Variants in ATG16L2 observed in about 807,000 individuals in gnomAD.
ATG16L2 encodes the protein autophagy related 16 like 2.
ATG16L2 carries 77 observed loss-of-function variants against 84.7 expected under a neutral mutation model. The ratio of observed to expected loss-of-function variants is 0.91; its 90% CI spans 0.76 to 1.10. The LOEUF (loss-of-function observed/expected upper bound fraction) is 1.10. ATG16L2 is among the 50% of genes least tolerant of loss of function. The pLI, the probability that ATG16L2 is intolerant of heterozygous loss-of-function variation, is 0.00. For synonymous variants in ATG16L2, 361 were observed against 342.8 expected, an observed-to-expected ratio of 1.05 and a Z score of -0.59; for missense variants, 782 against 817.6, an observed-to-expected ratio of 0.96 and a Z score of 0.53.
rs1374566104 is a variant in ATG16L2, at chr11:72,840,704, T to C, written c.*22-1913T>C. On this transcript the variant is annotated intron_variant, in intron 5 of 5. Transcript: ENST00000534905. ...CCAGTGTAGATTAAATGTCCCGAGATGAGTTGATTTCTATGGCCTTCCTTT... is the reference window on the plus strand; with the variant it reads ...CCAGTGTAGATTAAATGTCCCGAGACGAGTTGATTTCTATGGCCTTCCTTT... Among the ~76,000 whole-genome samples, 8 of 152,314 alleles carry C rather than the reference T, an allele frequency of 5.3e-5. 1 individual carries two copies. The South Asian group carries it at 1.7e-3, about 32-fold the overall frequency.
At chr11:72,821,803 T>C (rs1311661539) in intron 4 of ATG16L2, 62 bp downstream of exon 4, 3 of 1,505,080 alleles carry the variant, frequency 2.0e-6, no homozygotes, top group South Asian at 1.2e-5. Context: ...GGGCCAACTA[T>C]ACGGGAGGCG....
chr11:72,822,951 A>G lies in ATG16L2; in HGVS notation c.814A>G (p.Arg272Gly), dbSNP rs1397132030. The G allele has an allele frequency of 6.4e-7, 1 of 1,565,338 alleles. No individual in the cohort carries two copies. Among genetic ancestry groups the G allele is most frequent in the Admixed American group, 1.9e-5 (1 of 52,410 alleles). ...GAAGGAAGCTTGTGAGAAGTGGAAGAGGCCCTTCAGGTGAGGACCCAGGTG... is the reference window on the plus strand; with the variant it reads ...GAAGGAAGCTTGTGAGAAGTGGAAGGGGCCCTTCAGGTGAGGACCCAGGTG... ...LEKEACEKWK[R>G]PFRSASATSL... Residue 272 changes from arginine (R) to glycine (G), a missense_variant, in exon 7 of 18, where the codon AGG (arginine) becomes GGG (glycine). Physicochemically the swap from Arg to Gly is moderately radical, Grantham distance 125. Transcript: ENST00000321297. This position sits in a 1 kb window ranked among gnomAD's most constrained non-coding sequence, Gnocchi z 4.2.
chr11:72,815,461 C>T (rs1859651285), intron 1 of ATG16L2, among the ~76,000 whole-genome samples: 1 of 152,174 alleles, frequency 6.6e-6, no homozygotes, highest in Non-Finnish European at 1.5e-5. Context: ...CTCAGACAGA[C>T]AGTGGAACCG....
In ATG16L2 at chr11:72,822,145, C is replaced by A. The variant is rs1439072715; in HGVS notation, c.494C>A (p.Ala165Glu). ...CGGGCGCAGAATGCGGTGCAGCGGG[C>A]AGCCTACGAGGCGCTGCGCGCGCAC... Reference protein sequence around the residue: ...EWRAQNAVQRAAYEALRAHVG... With the variant: ...EWRAQNAVQREAYEALRAHVG... Residue 165 changes from alanine to glutamate, a missense_variant, in exon 5 of 18, where the codon GCA becomes GAA. By Grantham distance (107) the Ala-to-Glu change is moderately radical. Transcript: ENST00000321297. This position sits in a 1 kb window ranked among gnomAD's most constrained non-coding sequence, Gnocchi z 4.2. 37 of 1,499,572 alleles carry A rather than the reference C, an allele frequency of 2.5e-5. No individual in the cohort carries two copies. The East Asian group carries it at 3.1e-4, about 12-fold the overall frequency. 92.9% of individuals were successfully genotyped at this position (1,499,572 alleles called of 1,614,324 possible).
intron 2 of ATG16L2, 51 bp downstream of exon 2, chr11:72,816,878 T>C (rs778168203): frequency 1.6e-6 from 2 of 1,262,618 alleles, no homozygotes; most frequent in Admixed American, 1.8e-5. Context: ...GCTGGGGCCC[T>C]GCCCCTGCTG....
At chr11:72,826,659 G>C in intron 12 of ATG16L2, 44 bp from the exon 13 acceptor site, 1 of 1,614,090 alleles carries the variant, frequency 6.2e-7, no homozygotes, top group Non-Finnish European at 8.5e-7. Context: ...CCTGTTATGG[G>C]GTCTTGGCCA....
Position 72,828,471 on chromosome 11 carries a change from A to G in ATG16L2, c.1585A>G (p.Ile529Val). ...SCSRDNTLKV[I>V]DLRVSNIRQV... The stretch of plus-strand genomic sequence containing the variant: ...TTCCCGAGACAACACACTCAAGGTC[A>G]TCGACCTGCGTGTCAGCAACATCCG... Residue 529 changes from isoleucine to valine, a missense_variant, in exon 15 of 18, where the codon ATC (isoleucine) becomes GTC (valine). Ile to Val is a conservative substitution (Grantham distance 29). Coordinates refer to ENST00000321297, the MANE Select transcript of ATG16L2 (RefSeq NM_033388.2). The G allele has an allele frequency of 1.2e-6, 2 of 1,614,226 alleles. No homozygotes were observed. Among genetic ancestry groups the G allele is most frequent in the South Asian group, 1.1e-5 (1 of 91,090 alleles).
rs1435374489 is a variant in ATG16L2, at chr11:72,823,620, C to T, written c.825-440C>T. Reference sequence around the variant, plus strand: ...TGGGGAGGGGCATGAGATGCCAGTCCCCAAAGTCCTTGGGAGCCCTTGTGG... The same window carrying T: ...TGGGGAGGGGCATGAGATGCCAGTCTCCAAAGTCCTTGGGAGCCCTTGTGG... On this transcript the variant is annotated intron_variant, in intron 7 of 17. Transcript: ENST00000321297. 1.6e-5 allele frequency: 7 copies of T among 431,126 alleles called. No homozygotes were observed. In the Admixed American group the frequency reaches 1.8e-4, roughly 11 times the overall value. 26.7% of individuals were successfully genotyped at this position (431,126 alleles called of 1,614,324 possible).
intron 3 of ATG16L2, chr11:72,821,441 C>T: frequency 7.4e-7 from 1 of 1,360,098 alleles, no homozygotes. Context: ...CGAAGCGGCA[C>T]GGCGAGGATT....
In ATG16L2 at chr11:72,827,616, C is replaced by CCTAA. The variant is rs550505494; in HGVS notation, c.1472+326_1472+329dup. On this transcript the variant is annotated intron_variant, in intron 14 of 17. Coordinates refer to ENST00000321297, the MANE Select transcript of ATG16L2 (RefSeq NM_033388.2). ...TTTAGCTGTTTTTTAAACCAAAGAC[C>CCTAA]CTAACTTTGGGCTTGAATTGTTTGT... Among the ~76,000 whole-genome samples the CCTAA allele has an allele frequency of 1.8e-3, 281 of 152,278 alleles. 2 individuals carry two copies. Among genetic ancestry groups the CCTAA allele is most frequent in the Non-Finnish European group, 2.9e-3 (200 of 68,012 alleles).
chr11:72,830,017 A>G (rs906180895), downstream of ATG16L2, among the ~76,000 whole-genome samples: 6 of 152,090 alleles, frequency 3.9e-5, no homozygotes, highest in East Asian at 1.9e-4. Flanking sequence ...TAGTGATATC[A>G]AAGTCCTTGG....
chr11:72,826,419 G>A, intron 11 of ATG16L2, 99 bp from the exon 12 acceptor site: 1 of 1,520,932 alleles, frequency 6.6e-7, no homozygotes, highest in Non-Finnish European at 9.0e-7. Context: ...TGGTGACCTG[G>A]GCCGTGGGAA....
chr11:72,827,443 C>T (rs1476140273), intron 14 of ATG16L2, 150 bp downstream of exon 14: 14 of 652,918 alleles, frequency 2.1e-5, no homozygotes, highest in Admixed American at 5.3e-5. Flanking sequence ...TAGTGCCTCT[C>T]GGCTGGGCTC....
intron 5 of ATG16L2, chr11:72,841,340 CAAAAAAAAAAAA>C (rs59748827): frequency 4.0e-5 from 15 of 373,862 alleles, no homozygotes; most frequent in Middle Eastern, 6.7e-4. Context: ...ACTCTGTCTC[CAAAAAAAAAAAA>C]AAAAAAAAAA....
chr11:72,837,303 G>T (rs1352350833), intron 5 of ATG16L2: 2 of 152,632 alleles, frequency 1.3e-5, no homozygotes, highest in East Asian at 3.9e-4. Flanking sequence ...AGTGATCAAA[G>T]AACTAAAAAT....
chr11:72,829,585 A>G lies in ATG16L2; in HGVS notation c.*195A>G. On this transcript the variant is annotated 3_prime_UTR_variant, in exon 18 of 18. Transcript: ENST00000321297. The stretch of plus-strand genomic sequence containing the variant: ...TACGCTAGTTTTTCTTTGTATTTTT[A>G]TCTCTATCTCCTCACTTTTTCTCCC... 2 of 1,192,502 alleles carry G rather than the reference A, an allele frequency of 1.7e-6. No individual in the cohort carries two copies. The highest frequency in any genetic ancestry group is 2.1e-6 in the Non-Finnish European group (2 of 932,138). The allele number at this position is 1,192,502 out of a possible 1,614,324, so 73.9% of individuals were successfully genotyped here.
chr11:72,838,738 CA>C lies in ATG16L2; in HGVS notation c.*22-3876del, dbSNP rs1860809683. 2.7e-6 allele frequency: 4 copies of C among 1,488,012 alleles called. No homozygotes were observed. In the African/African-American group the frequency reaches 5.5e-5, roughly 21 times the overall value. 92.2% of individuals were successfully genotyped at this position (1,488,012 alleles called of 1,614,324 possible). ...AAGGTGCCTAAAAAACAAGACTGGC[CA>C]AACTCCAAGCCTGGCCTTGATTGTA... On this transcript the variant is annotated intron_variant, in intron 5 of 5. Transcript: ENST00000534905.
chr11:72,817,921 G>A, intron 3 of ATG16L2, 66 bp downstream of exon 3: 1 of 1,387,248 alleles, frequency 7.2e-7, no homozygotes, highest in Non-Finnish European at 9.9e-7. Context: ...GCCAGTGACG[G>A]GTACTCCTGT....
chr11:72,823,572 G>C (rs1358570127), intron 7 of ATG16L2: 4 of 423,880 alleles, frequency 9.4e-6, no homozygotes, highest in African/African-American at 8.2e-5. Flanking sequence ...TGGTGTCCAG[G>C]CCTTGGGGCA....
Sources: gnomAD v4.1 joint callset for allele counts (sites outside exome capture counted in the v4.1 genomes callset) on GRCh38, gnomAD v4.1.1 for gene constraint, Gnocchi (gnomAD v3.1) non-coding constraint, MANE v1.5 for transcripts, NCBI Gene and HGNC (gene_info 2026-07-23, HGNC 2026-07-21) for gene names.